Variants in PTK2B observed in about 807,000 individuals in gnomAD.
PTK2B encodes protein tyrosine kinase 2 beta, also known as protein-tyrosine kinase 2-beta.
A neutral mutation model predicts 142.9 loss-of-function variants in PTK2B; 71 were observed. The observed-to-expected ratio is 0.50, with a 90% CI of 0.41 to 0.61. The LOEUF (loss-of-function observed/expected upper bound fraction) is 0.61, where lower values mean the gene tolerates loss of function less well. Ranked by LOEUF, PTK2B falls within the 20% of genes least tolerant of loss-of-function variation. PTK2B has a pLI of 0.00. For synonymous variants in PTK2B, 519 were observed against 503.4 expected, an observed-to-expected ratio of 1.03 and a Z score of -0.42; for missense variants, 1,105 against 1,320.4, an observed-to-expected ratio of 0.84 and a Z score of 2.53.
chr8:27,397,367 C>T (rs1808115328), intron 1 of PTK2B, 181 bp from the exon 2 acceptor site: 7 of 579,274 alleles, frequency 1.2e-5, no homozygotes, highest in African/African-American at 7.5e-5. Flanking sequence ...GCAACTTGCC[C>T]CTTTCTGCTG....
At chr8:27,326,046 C>T (rs1326995101) in intron 1 of PTK2B, among the ~76,000 whole-genome samples, 1 of 152,108 alleles carries the variant, frequency 6.6e-6, no homozygotes, top group Non-Finnish European at 1.5e-5. Context: ...GGGGTTTCAG[C>T]TCCTGCCCCC....
chr8:27,385,274 G>A (rs1807278904), intron 1 of PTK2B, among the ~76,000 whole-genome samples: 1 of 152,342 alleles, frequency 6.6e-6, no homozygotes, highest in South Asian at 2.1e-4. Flanking sequence ...GGCATGGAGA[G>A]CTGGAGGAAG....
chr8:27,382,480 G>T (rs1807086664), intron 1 of PTK2B, among the ~76,000 whole-genome samples: 1 of 152,024 alleles, frequency 6.6e-6, no homozygotes, highest in Non-Finnish European at 1.5e-5. Context: ...TTTGTCATTG[G>T]GAGGTCAAGA....
chr8:27,368,148 T>C (rs746031202), intron 1 of PTK2B, among the ~76,000 whole-genome samples: 4 of 152,110 alleles, frequency 2.6e-5, no homozygotes, highest in Non-Finnish European at 5.9e-5. Context: ...TGCCATGGAG[T>C]GAGTGCGGGA....
upstream of PTK2B, among the ~76,000 whole-genome samples, chr8:27,324,773 T>A (rs892482557): frequency 1.9e-4 from 29 of 152,152 alleles, no homozygotes. Context: ...CACTCCACTT[T>A]TTTCACTTTA....
At chr8:27,391,221 C>G (rs143670206) in intron 1 of PTK2B, among the ~76,000 whole-genome samples, 1 of 151,996 alleles carries the variant, frequency 6.6e-6, no homozygotes, top group Non-Finnish European at 1.5e-5. Flanking sequence ...CTCAGCCTCC[C>G]GAGTAGCTGG....
At chr8:27,425,092 C>T (rs1809997930) in intron 5 of PTK2B, among the ~76,000 whole-genome samples, 1 of 151,550 alleles carries the variant, frequency 6.6e-6, no homozygotes, top group Admixed American at 6.6e-5. Flanking sequence ...CGTTATGTTT[C>T]TATATAACAT....
chr8:27,386,970 A>G (rs1339157528), intron 1 of PTK2B, among the ~76,000 whole-genome samples: 1 of 151,970 alleles, frequency 6.6e-6, no homozygotes, highest in Non-Finnish European at 1.5e-5. Flanking sequence ...CCATGACTAT[A>G]TACATATTAA....
intron 5 of PTK2B, among the ~76,000 whole-genome samples, chr8:27,423,845 G>A (rs1279580531): frequency 6.6e-6 from 1 of 152,072 alleles, no homozygotes; most frequent in Non-Finnish European, 1.5e-5. Flanking sequence ...GGGCAGCTTC[G>A]AGGGCTTCAC....
chr8:27,381,875 T>C (rs888392799), intron 1 of PTK2B, among the ~76,000 whole-genome samples: 2 of 152,230 alleles, frequency 1.3e-5, no homozygotes, highest in Non-Finnish European at 2.9e-5. Flanking sequence ...TGCTATCTCA[T>C]TGTAGTTTTG....
intron 1 of PTK2B, among the ~76,000 whole-genome samples, chr8:27,346,992 C>T (rs1202615883): frequency 6.6e-6 from 1 of 152,192 alleles, no homozygotes. Flanking sequence ...TCAAGAGTTA[C>T]TTCTCCTCTT....
chr8:27,437,831 C>T lies in PTK2B; in HGVS notation c.1594C>T (p.Gln532Ter). Residue 532 changes from glutamine to a stop codon, truncating the protein, a stop_gained, in exon 18 of 31, where the codon CAG becomes TAG. Transcript: ENST00000346049. LOFTEE classifies it high-confidence loss of function. ...GCTCACCCTCGTGCTGTACTCACTGCAGATATGCAAAGCCATGGCCTACCT... is the reference window on the plus strand; with the variant it reads ...GCTCACCCTCGTGCTGTACTCACTGTAGATATGCAAAGCCATGGCCTACCT... The part of the protein sequence containing the change: ...KVLTLVLYSL[Q>*]ICKAMAYLES... 6.2e-7 allele frequency: 1 copy of T among 1,613,688 alleles called. No individual in the cohort carries two copies. Among genetic ancestry groups the T allele is most frequent in the Non-Finnish European group, 8.5e-7 (1 of 1,179,894 alleles).
intron 1 of PTK2B, among the ~76,000 whole-genome samples, chr8:27,394,288 G>A (rs1807906083): frequency 6.6e-6 from 1 of 151,958 alleles, no homozygotes; most frequent in Admixed American, 6.6e-5. Context: ...TCATTTCTCT[G>A]GTTTACTTAC....
At chr8:27,322,507 T>C (rs529531348), upstream of PTK2B, 1 of 152,350 alleles carries the variant, frequency 6.6e-6, no homozygotes, top group South Asian at 2.1e-4. Context: ...CAGGTATGTA[T>C]GTACTATCTC....
intron 1 of PTK2B, among the ~76,000 whole-genome samples, chr8:27,361,144 T>C (rs765229488): frequency 2.0e-5 from 3 of 152,196 alleles, no homozygotes; most frequent in Non-Finnish European, 2.9e-5. Flanking sequence ...CTCCAATGTC[T>C]ATTATTCCAC....
chr8:27,435,884 T>C, intron 14 of PTK2B, 91 bp downstream of exon 14: 1 of 1,455,294 alleles, frequency 6.9e-7, no homozygotes, highest in South Asian at 1.1e-5. Flanking sequence ...GAACATTCTT[T>C]TCCTCCTTTA....
intron 1 of PTK2B, among the ~76,000 whole-genome samples, chr8:27,355,512 A>C (rs1333607968): frequency 6.6e-6 from 1 of 152,210 alleles, no homozygotes; most frequent in Non-Finnish European, 1.5e-5. Flanking sequence ...AGGACTTCTG[A>C]CCACCAGAAT....
In PTK2B at chr8:27,365,464, C is replaced by A. The variant is rs185008774; in HGVS notation, c.-37-32084C>A. 9.9e-5 allele frequency among the ~76,000 whole-genome samples: 15 copies of A among 152,282 alleles called. No homozygotes were observed. In the East Asian group the frequency reaches 2.9e-3, roughly 29 times the overall value. On this transcript the variant is annotated intron_variant, in intron 1 of 30. Coordinates refer to ENST00000346049, the MANE Select transcript of PTK2B (RefSeq NM_173176.3). ...TTAGCAAGACAGGGACCTGCCTAAG[C>A]CTTGGTTTCTTTCCTCTGCAATATG... is the stretch of plus-strand genomic sequence containing the variant.
intron 30 of PTK2B, among the ~76,000 whole-genome samples, chr8:27,455,159 T>A (rs555732224): frequency 6.6e-6 from 1 of 152,036 alleles, no homozygotes; most frequent in Non-Finnish European, 1.5e-5. Context: ...ACTTTGCAAA[T>A]GTGATAAAGT....
Sources: gnomAD v4.1 joint callset for allele counts (sites outside exome capture counted in the v4.1 genomes callset) on GRCh38, gnomAD v4.1.1 for gene constraint, MANE v1.5 for transcripts, NCBI Gene and HGNC (gene_info 2026-07-23, HGNC 2026-07-21) for gene names.